CCDC141: variants seen among roughly 807,000 people sequenced by gnomAD.
CCDC141 encodes coiled-coil domain containing 141.
In CCDC141, 168 loss-of-function variants were observed where a neutral mutation model predicts 181.0. That is an observed-to-expected ratio of 0.93 (90% CI 0.82 to 1.05). The LOEUF (loss-of-function observed/expected upper bound fraction) is 1.05, where lower values mean the gene tolerates loss of function less well. Ranked by LOEUF, CCDC141 falls within the 50% of genes least tolerant of loss-of-function variation. The pLI is 0.00. For synonymous variants in CCDC141, 666 were observed against 642.3 expected, an observed-to-expected ratio of 1.04 and a Z score of -0.56; for missense variants, 1,902 against 1,788.5, an observed-to-expected ratio of 1.06 and a Z score of -1.14.
chr2:178,923,089 C>A (rs1206045891), intron 6 of CCDC141, among the ~76,000 whole-genome samples: 1 of 149,046 alleles, frequency 6.7e-6, no homozygotes, highest in Non-Finnish European at 1.5e-5. Context: ...GACACTTCCA[C>A]CAGTTTATTT....
intron 14 of CCDC141, among the ~76,000 whole-genome samples, chr2:178,870,984 C>T (rs1413294663): frequency 2.0e-5 from 3 of 151,982 alleles, no homozygotes; most frequent in African/African-American, 4.8e-5. Flanking sequence ...ATGGTACGTG[C>T]CTGGGGTGCT....
At chr2:178,829,180 C>G (rs1038439671), downstream of CCDC141, among the ~76,000 whole-genome samples, 2 of 151,928 alleles carry the variant, frequency 1.3e-5, no homozygotes, top group African/African-American at 4.8e-5. Context: ...TTGATTTCAC[C>G]CAGTTTTTAT....
chr2:178,871,040 G>C (rs1686097688), intron 14 of CCDC141, among the ~76,000 whole-genome samples: 1 of 152,110 alleles, frequency 6.6e-6, no homozygotes, highest in African/African-American at 2.4e-5. Flanking sequence ...CAGGGACCCA[G>C]GGCAGCAGAG....
chr2:178,975,300 G>T, intron 3 of CCDC141, 135 bp from the exon 4 acceptor site: 1 of 528,556 alleles, frequency 1.9e-6, no homozygotes, highest in South Asian at 2.8e-5. Flanking sequence ...GCATATGTTT[G>T]TATGTGTTTG....
At chr2:178,848,196 C>T (rs771613820) in intron 21 of CCDC141, among the ~76,000 whole-genome samples, 1 of 152,112 alleles carries the variant, frequency 6.6e-6, no homozygotes, top group Non-Finnish European at 1.5e-5. Flanking sequence ...GACAGAAGGT[C>T]GTGTCCTTGA....
intron 23 of CCDC141, chr2:178,836,592 C>T (rs1403709156): frequency 4.3e-6 from 1 of 230,520 alleles, no homozygotes; most frequent in Non-Finnish European, 8.5e-6. Context: ...AATTTCAACC[C>T]ACAATCTTTA....
chr2:178,953,364 G>A (rs1690034881), intron 5 of CCDC141, among the ~76,000 whole-genome samples: 1 of 151,778 alleles, frequency 6.6e-6, no homozygotes, highest in Admixed American at 6.6e-5. Context: ...ATGAACCCGG[G>A]AGGCGGAGTT....
chr2:178,837,849 A>C, intron 22 of CCDC141, 105 bp from the exon 23 acceptor site: 1 of 1,091,956 alleles, frequency 9.2e-7, no homozygotes, highest in Non-Finnish European at 1.2e-6. Context: ...GACAACCTAC[A>C]AGGTTAAAAT....
downstream of CCDC141, among the ~76,000 whole-genome samples, chr2:178,826,425 T>A (rs1684126576): frequency 6.6e-6 from 1 of 152,212 alleles, no homozygotes; most frequent in Admixed American, 6.5e-5. Context: ...ACTATTAGCA[T>A]AATTCTGACC....
intron 2 of CCDC141, among the ~76,000 whole-genome samples, chr2:178,990,850 G>A (rs1296713988): frequency 1.3e-5 from 2 of 152,054 alleles, no homozygotes; most frequent in Non-Finnish European, 2.9e-5. Context: ...TTTCTTTTGG[G>A]CTGATGGAAA....
chr2:179,021,783 A>G (rs1464617962), intron 2 of CCDC141, among the ~76,000 whole-genome samples: 1 of 152,202 alleles, frequency 6.6e-6, no homozygotes, highest in Non-Finnish European at 1.5e-5. Context: ...TTAAAGGACC[A>G]TAAAATCTGT....
At position 178,865,844 on chromosome 2, in the gene CCDC141, G is replaced by A. The variant is rs186074315; in HGVS notation, c.2647C>T (p.Arg883Cys). The change falls in exon 17 of 24, where the codon CGT (arginine) becomes TGT (cysteine). Residue 883 changes from arginine to cysteine, a missense_variant. By Grantham distance (180) the Arg-to-Cys change is radical. Coordinates refer to ENST00000443758, the MANE Select transcript of CCDC141 (RefSeq NM_173648.4). ...CGTCCATACTCCTCAGCTTTGGCACGCCACTTCATGCTGTCCTCCTCAAGG... is the reference window on the plus strand; with the variant it reads ...CGTCCATACTCCTCAGCTTTGGCACACCACTTCATGCTGTCCTCCTCAAGG... ...ELLEEDSMKW[R>C]AKAEEYGRTL... 52 of 1,606,284 alleles carry A rather than the reference G, an allele frequency of 3.2e-5. No individual in the cohort carries two copies. The highest frequency in any genetic ancestry group is 3.7e-5 in the Non-Finnish European group (44 of 1,176,082).
At chr2:178,881,200 T>C (rs752473246) in intron 11 of CCDC141, among the ~76,000 whole-genome samples, 7 of 152,112 alleles carry the variant, frequency 4.6e-5, no homozygotes, top group Non-Finnish European at 7.4e-5. Context: ...ATGTGAAATA[T>C]CCAGAAAAGG....
In CCDC141 at chr2:179,015,518, C is replaced by T. The variant is rs1166973555; in HGVS notation, c.225+31766G>A. Among the ~76,000 whole-genome samples, 3 of 24,900 alleles carry T rather than the reference C, an allele frequency of 1.2e-4. 1 individual carries two copies. Among genetic ancestry groups the T allele is most frequent in the Non-Finnish European group, 4.7e-4 (3 of 6,324 alleles). 16.3% of individuals were successfully genotyped at this position (24,900 alleles called of 152,430 possible). On this transcript the variant is annotated intron_variant, in intron 2 of 23. Transcript: ENST00000443758. ...TGTGCCATATATATCATATATGTAT[C>T]ACATATATCTCATATATATGATATA...
intron 8 of CCDC141, among the ~76,000 whole-genome samples, chr2:178,899,367 A>T (rs1393050242): frequency 6.6e-6 from 1 of 152,294 alleles, no homozygotes; most frequent in African/African-American, 2.4e-5. Flanking sequence ...TAAACAATGT[A>T]TCACTGTACT....
chr2:178,882,583 T>C (rs1686675727), intron 11 of CCDC141, among the ~76,000 whole-genome samples: 1 of 149,250 alleles, frequency 6.7e-6, no homozygotes, highest in South Asian at 2.2e-4. Context: ...AATGGCTTCA[T>C]TTTTTTTTTC....
intron 2 of CCDC141, among the ~76,000 whole-genome samples, chr2:178,985,488 G>A (rs1288602209): frequency 4.8e-5 from 7 of 146,968 alleles, no homozygotes; most frequent in Non-Finnish European, 9.1e-5. Flanking sequence ...GAAGGAAATA[G>A]AGACACAAAA....
chr2:178,989,605 A>ATAAAT (rs1158903140), intron 2 of CCDC141, among the ~76,000 whole-genome samples: 10 of 136,912 alleles, frequency 7.3e-5, no homozygotes, highest in African/African-American at 2.6e-4. Flanking sequence ...AAAAAAAAAA[A>ATAAAT]AAATAAATAA....
intron 2 of CCDC141, among the ~76,000 whole-genome samples, chr2:179,007,357 T>C (rs562209970): frequency 2.0e-5 from 3 of 152,344 alleles, no homozygotes; most frequent in East Asian, 3.9e-4. Flanking sequence ...ACATTTTTCA[T>C]GGCTTCTCCA....
Sources: allele counts gnomAD v4.1 joint callset (sites outside exome capture counted in the v4.1 genomes callset), GRCh38; gene constraint gnomAD v4.1.1; transcripts MANE v1.5; gene names NCBI Gene and HGNC (gene_info 2026-07-23, HGNC 2026-07-21).